Variants in ARFGEF3 observed in about 807,000 individuals in gnomAD.
ARFGEF3 encodes the protein brefeldin A-inhibited guanine nucleotide-exchange protein 3.
Under a neutral mutation model 221.7 loss-of-function variants are expected in ARFGEF3, and 96 were observed. The ratio of observed to expected loss-of-function variants is 0.43; its 90% confidence interval spans 0.37 to 0.51. ARFGEF3 has a LOEUF of 0.51. ARFGEF3 is among the 20% of genes least tolerant of loss of function. The probability of loss-of-function intolerance (pLI) is 0.00; values close to 1 mark genes in which losing one functional copy is unlikely to be tolerated. For synonymous variants in ARFGEF3, 1,145 were observed against 1,126.8 expected, an observed-to-expected ratio of 1.02 and a Z score of -0.32; for missense variants, 2,410 against 2,789.9, an observed-to-expected ratio of 0.86 and a Z score of 3.07.
intron 14 of ARFGEF3, among the ~76,000 whole-genome samples, chr6:138,282,695 A>G (rs2114622843): frequency 6.6e-6 from 1 of 152,338 alleles, no homozygotes; most frequent in East Asian, 1.9e-4. Context: ...GATCAGGATC[A>G]CTGGAGAGGT....
At chr6:138,194,989 ATTTTTTTTTTT>A (rs747099029) in intron 2 of ARFGEF3, among the ~76,000 whole-genome samples, 21 of 84,116 alleles carry the variant, frequency 2.5e-4, no homozygotes, top group South Asian at 4.5e-4. Flanking sequence ...CTTTTCCCTA[ATTTTTTTTTTT>A]TTTTTTTTTT....
rs571287485 is a variant in ARFGEF3, at chr6:138,181,394, A to G, written c.137+10681A>G. On this transcript the variant is annotated intron_variant, in intron 2 of 33. Coordinates refer to ENST00000251691, the MANE Select transcript of ARFGEF3 (RefSeq NM_020340.5). ...AAACATAAATCCACTGAAAAAAATA[A>G]CAATCCAATTATGAATTTTTGTTTC... Among the ~76,000 whole-genome samples the G allele has an allele frequency of 8.1e-4, 123 of 152,278 alleles. 1 individual carries two copies. Among genetic ancestry groups the G allele is most frequent in the Middle Eastern group, 3.4e-3 (1 of 294 alleles).
chr6:138,262,222 C>T (rs1778810073), intron 11 of ARFGEF3, among the ~76,000 whole-genome samples: 1 of 136,764 alleles, frequency 7.3e-6, no homozygotes, highest in Admixed American at 7.8e-5. Context: ...CAGAGTCTTG[C>T]TCTGTCACCC....
intron 14 of ARFGEF3, among the ~76,000 whole-genome samples, chr6:138,285,592 C>T (rs1278636587): frequency 6.6e-6 from 1 of 152,082 alleles, no homozygotes; most frequent in Non-Finnish European, 1.5e-5. Flanking sequence ...ATCTGGGTAA[C>T]CTGTACATAT....
intron 4 of ARFGEF3, among the ~76,000 whole-genome samples, chr6:138,229,115 A>C (rs1269217547): frequency 6.6e-6 from 1 of 152,246 alleles, no homozygotes. Flanking sequence ...GTAAGTAAAC[A>C]CCATGTAACA....
chr6:138,271,677 T>C (rs1779005272), intron 12 of ARFGEF3, among the ~76,000 whole-genome samples: 1 of 152,244 alleles, frequency 6.6e-6, no homozygotes. Context: ...CTCATTACAC[T>C]GCACAGTACC....
intron 2 of ARFGEF3, among the ~76,000 whole-genome samples, chr6:138,176,204 C>A (rs1449305951): frequency 8.0e-6 from 1 of 125,678 alleles, no homozygotes; most frequent in Non-Finnish European, 1.6e-5. Context: ...TTTTTTTAGA[C>A]GGAGTCTTGC....
At chr6:138,256,432 T>C (rs7760538) in intron 10 of ARFGEF3, among the ~76,000 whole-genome samples, 4,377 of 152,288 alleles carry the variant, frequency 0.029, 241 homozygotes, top group African/African-American at 0.1. Context: ...AAAGGTCAAA[T>C]TGCATTTCCT....
At chr6:138,185,891 C>T (rs1029589126) in intron 2 of ARFGEF3, among the ~76,000 whole-genome samples, 1 of 152,176 alleles carries the variant, frequency 6.6e-6, no homozygotes, top group African/African-American at 2.4e-5. Flanking sequence ...AGGAATTATA[C>T]TAATGGCTTG....
At chr6:138,238,780 A>G in intron 6 of ARFGEF3, 149 bp downstream of exon 6, 1 of 661,336 alleles carries the variant, frequency 1.5e-6, no homozygotes, top group South Asian at 2.3e-5. Flanking sequence ...TGTACACATT[A>G]AGCTCTTTAG....
Position 138,337,846 on chromosome 6 carries a change from A to G in ARFGEF3, c.*1360A>G, listed in dbSNP as rs1780358758. 6.6e-6 allele frequency: 1 copy of G among 152,208 alleles called. No homozygotes were observed. The highest frequency in any genetic ancestry group is 1.5e-5 in the Non-Finnish European group (1 of 68,040). 9.4% of individuals were successfully genotyped at this position (152,208 alleles called of 1,614,324 possible). Reference sequence around the variant, plus strand: ...TCCTCAATCAAGCTTACTTACACACATTCTACAGAGTTATTTAAGGCATAC... The same window carrying G: ...TCCTCAATCAAGCTTACTTACACACGTTCTACAGAGTTATTTAAGGCATAC... On this transcript the variant is annotated 3_prime_UTR_variant, in exon 34 of 34. Coordinates refer to ENST00000251691, the MANE Select transcript of ARFGEF3 (RefSeq NM_020340.5).
At position 138,296,856 on chromosome 6, in the gene ARFGEF3, C is replaced by G. The variant is rs558569813; in HGVS notation, c.3549C>G (p.Phe1183Leu). 8.1e-6 allele frequency: 13 copies of G among 1,613,996 alleles called. No homozygotes were observed. The African/African-American group carries it at 1.5e-4, about 18-fold the overall frequency. Reference protein sequence around the residue: ...TQDRKSALHLFRLGNAMLRIV... With the variant: ...TQDRKSALHLLRLGNAMLRIV... ...ACCGAAAAAGCGCCCTCCACCTGTT[C>G]CGCCTGGGGAATGCCATGCTGAGGA... Residue 1183 changes from phenylalanine (F) to leucine (L), a missense_variant, in exon 21 of 34, where the codon TTC becomes TTG. Coordinates refer to ENST00000251691, the MANE Select transcript of ARFGEF3 (RefSeq NM_020340.5).
intron 13 of ARFGEF3, among the ~76,000 whole-genome samples, chr6:138,278,914 G>A (rs1450421214): frequency 6.6e-6 from 1 of 152,194 alleles, no homozygotes; most frequent in Non-Finnish European, 1.5e-5. Context: ...TTCATCTCAT[G>A]TCATTATTAA....
rs1779772176 is a variant in ARFGEF3, at chr6:138,308,750, G to C, written c.3985G>C (p.Ala1329Pro). Residue 1329 changes from alanine to proline, a missense_variant, in exon 24 of 34, where the codon GCT (alanine) becomes CCT (proline). By Grantham distance (27) the Ala-to-Pro change is conservative. This residue lies in a region of ARFGEF3 where 723 missense variants were observed against 991.9 expected (regional missense o/e 0.73). Transcript: ENST00000251691. ...VGDYSMGKGQ[A>P]PVFDVFEAFL... is the part of the protein sequence containing the mutation. Reference sequence around the variant, plus strand: ...TCTTCCTCCCTTAGGAAAAGGCCAAGCTCCAGTGTTTGATGTATTTGAAGC... The same window carrying C: ...TCTTCCTCCCTTAGGAAAAGGCCAACCTCCAGTGTTTGATGTATTTGAAGC... 1.2e-6 allele frequency: 2 copies of C among 1,613,974 alleles called. No individual in the cohort carries two copies. Among genetic ancestry groups the C allele is most frequent in the Non-Finnish European group, 1.7e-6 (2 of 1,179,870 alleles).
intron 2 of ARFGEF3, among the ~76,000 whole-genome samples, chr6:138,175,671 TATC>T (rs1387073487): frequency 6.6e-6 from 1 of 152,248 alleles, no homozygotes; most frequent in Non-Finnish European, 1.5e-5. Context: ...AACCAAGTAA[TATC>T]ATAAGACTTG....
intron 2 of ARFGEF3, among the ~76,000 whole-genome samples, chr6:138,172,753 A>G (rs78583725): frequency 0.041 from 6,272 of 152,296 alleles, 147 homozygotes; most frequent in Middle Eastern, 0.092. Context: ...ATATAGCAAC[A>G]GAAAATACTT....
At chr6:138,316,839 C>G (rs1779934775) in intron 26 of ARFGEF3, among the ~76,000 whole-genome samples, 1 of 152,168 alleles carries the variant, frequency 6.6e-6, no homozygotes, top group Admixed American at 6.5e-5. Context: ...CTGAATTGTA[C>G]TCGTAGAAAT....
intron 31 of ARFGEF3, 34 bp downstream of exon 31, chr6:138,324,188 A>C (rs1476649054): frequency 6.3e-7 from 1 of 1,593,420 alleles, no homozygotes; most frequent in Admixed American, 1.8e-5. Context: ...CAGGAGCTCT[A>C]GAAACTCGAA....
intron 4 of ARFGEF3, chr6:138,215,842 G>GT (rs1491468837): frequency 3.9e-4 from 2 of 5,080 alleles, no homozygotes; most frequent in Non-Finnish European, 1.2e-3. Context: ...AATCGGTCTG[G>GT]TGTGTGTGTG....
Sources: gnomAD v4.1 joint callset for allele counts (sites outside exome capture counted in the v4.1 genomes callset) on GRCh38, gnomAD v4.1.1 for gene constraint, gnomAD v4.1.1 regional missense constraint, MANE v1.5 for transcripts, NCBI Gene and HGNC (gene_info 2026-07-23, HGNC 2026-07-21) for gene names.